The following NAGPA variants were observed in gnomAD, a reference collection of about 807,000 sequenced individuals.
NAGPA encodes alpha-N-acetylglucosaminyl phosphodiesterase.
In NAGPA, 56 loss-of-function variants were observed where a neutral mutation model predicts 48.5. That is an observed-to-expected ratio of 1.15 (90% CI 0.93 to 1.44). The LOEUF is 1.44. NAGPA is among the 40% of genes most tolerant of loss of function. The pLI is 0.00. For missense variants in NAGPA, 888 were observed against 735.0 expected (o/e 1.21, Z -2.41); for synonymous variants, 399 against 315.5 (o/e 1.26, Z -2.81).
Position 5,033,835 on chromosome 16 carries a change from T to C in NAGPA, c.80A>G (p.Asp27Gly). Residue 27 changes from aspartate (D) to glycine (G), a missense_variant, in exon 1 of 10, where the codon GAC becomes GGC. Transcript: ENST00000312251. This position sits in a 1 kb window ranked among gnomAD's most constrained non-coding sequence, Gnocchi z 4.2. ...CCCAGGGAGCTGCACTCACCCCGAG[T>C]CGAGGCCGCCGGACGCTTCCCAGAG... The part of the protein sequence containing the change: ...GFLWEASGGL[D>G]SGASRDDDLL... 1.3e-6 allele frequency: 2 copies of C among 1,551,162 alleles called. No homozygotes were observed.
Position 5,028,138 on chromosome 16 carries a change from C to A in NAGPA, c.968G>T (p.Cys323Phe). ...RCPRQVSTVVCVHEPRCQPPD... is the reference protein window; with the variant it reads ...RCPRQVSTVVFVHEPRCQPPD... Reference sequence around the variant, plus strand: ...CGGCTGGCAGCGGGGTTCGTGCACACACACCACGGTGGACACTTGGCGGGG... The same window carrying A: ...CGGCTGGCAGCGGGGTTCGTGCACAAACACCACGGTGGACACTTGGCGGGG... The change falls in exon 6 of 10, where the codon TGT (cysteine) becomes TTT (phenylalanine). Residue 323 changes from cysteine to phenylalanine, a missense_variant. Physicochemically the swap from Cys to Phe is radical, Grantham distance 205 (BLOSUM62 -2). Transcript: ENST00000312251. 2 of 1,595,410 alleles carry A rather than the reference C, an allele frequency of 1.3e-6. No homozygotes were observed. The highest frequency in any genetic ancestry group is 4.6e-5 in the East Asian group (2 of 43,722).
intron 9 of NAGPA, 122 bp downstream of exon 9, chr16:5,027,013 C>T (rs758309786): frequency 1.2e-4 from 156 of 1,250,320 alleles, no homozygotes; most frequent in Admixed American, 2.6e-4. Context: ...GAGCTGGTCC[C>T]GCTTCCTCTA....
chr16:5,030,302 G>A, intron 4 of NAGPA, 83 bp downstream of exon 4: 6 of 1,286,830 alleles, frequency 4.7e-6, no homozygotes, highest in African/African-American at 1.5e-5. Flanking sequence ...AGCAGGTAGA[G>A]TCAGAGGGTG....
chr16:5,025,401 C>T lies in NAGPA; in HGVS notation c.*77G>A. 2 of 1,563,558 alleles carry T rather than the reference C, an allele frequency of 1.3e-6. No homozygotes were observed. The highest frequency in any genetic ancestry group is 4.5e-5 in the East Asian group (2 of 44,498). The stretch of plus-strand genomic sequence containing the variant: ...CACCCAGATGGTCCACGCCAGTGGC[C>T]TTGAAATTTCCCCTGCAGAAGCCAG... On this transcript the variant is annotated 3_prime_UTR_variant, in exon 10 of 10. Transcript: ENST00000312251.
intron 5 of NAGPA, chr16:5,028,482 ACCTCGG>A (rs1299028475): frequency 6.2e-6 from 4 of 643,840 alleles, no homozygotes; most frequent in Admixed American, 4.3e-5. Flanking sequence ...CGAACCTCCC[ACCTCGG>A]CCTCCCAAAG....
intron 9 of NAGPA, among the ~76,000 whole-genome samples, chr16:5,026,302 T>TTGTGA (rs1186490409): frequency 6.7e-6 from 1 of 149,182 alleles, no homozygotes; most frequent in Non-Finnish European, 1.5e-5. Context: ...TCCCAGCACT[T>TTGTGA]TGTGAGGCTT....
At position 5,033,145 on chromosome 16, in the gene NAGPA, C is replaced by T; in HGVS notation, c.542+128G>A. 9.0e-7 allele frequency: 1 copy of T among 1,107,344 alleles called. No individual in the cohort carries two copies. Among genetic ancestry groups the T allele is most frequent in the Non-Finnish European group, 1.3e-6 (1 of 764,586 alleles). 68.6% of individuals were successfully genotyped at this position (1,107,344 alleles called of 1,614,324 possible). ...AATAAACTCTGCAAGGAAGCGATTC[C>T]TATCCCCATTCTGCAGAGGAGGAAA... On this transcript the variant is annotated intron_variant, in intron 2 of 9. Coordinates refer to ENST00000312251, the MANE Select transcript of NAGPA (RefSeq NM_016256.4). The surrounding 1 kb of genome is among the most constrained non-coding windows in gnomAD (Gnocchi z 4.2).
chr16:5,028,605 C>A (rs1372887373), intron 5 of NAGPA: 11 of 562,958 alleles, frequency 2.0e-5, no homozygotes, highest in Non-Finnish European at 2.9e-5. Flanking sequence ...ACATGTGGTG[C>A]CCTCTGCCCG....
intron 2 of NAGPA, 132 bp from the exon 3 acceptor site, chr16:5,032,016 G>A: frequency 1.7e-6 from 2 of 1,208,962 alleles, no homozygotes; most frequent in Admixed American, 3.8e-5. Flanking sequence ...TGGGGCCTGA[G>A]TGTAGCTGGG....
rs755324227 is a variant in NAGPA, at chr16:5,025,462, C to G, written c.*16G>C. 6.1e-5 allele frequency: 98 copies of G among 1,611,178 alleles called. No homozygotes were observed. The highest frequency in any genetic ancestry group is 7.8e-5 in the Non-Finnish European group (92 of 1,179,578). On this transcript the variant is annotated 3_prime_UTR_variant, in exon 10 of 10. Transcript: ENST00000312251. ...AACAAGCTTTCGCGACGTGCCACCCCGGGCAGCTTGAGGCTTCAGTCCTTG... is the reference window on the plus strand; with the variant it reads ...AACAAGCTTTCGCGACGTGCCACCCGGGGCAGCTTGAGGCTTCAGTCCTTG...
chr16:5,030,253 C>T (rs1956075834), intron 4 of NAGPA, 132 bp downstream of exon 4: 2 of 805,654 alleles, frequency 2.5e-6, no homozygotes, highest in Non-Finnish European at 4.1e-6. Context: ...GGTGAGGGGG[C>T]CCTGGGAGGG....
Position 5,025,346 on chromosome 16 carries a change from G to C in NAGPA, c.*132C>G. The C allele has an allele frequency of 2.7e-6, 3 of 1,097,254 alleles. No individual in the cohort carries two copies. The South Asian group carries it at 4.3e-5, about 16-fold the overall frequency. The allele number at this position is 1,097,254 out of a possible 1,614,324, so 68.0% of individuals were successfully genotyped here. On this transcript the variant is annotated 3_prime_UTR_variant, in exon 10 of 10. Coordinates refer to ENST00000312251, the MANE Select transcript of NAGPA (RefSeq NM_016256.4). The stretch of plus-strand genomic sequence containing the variant: ...AGGGGCTGAGGCACAAGTGCTATCA[G>C]GAACTTGGCTGCCCCACAGGGGCTG...
At chr16:5,029,307 A>T in intron 4 of NAGPA, 1 of 418,242 alleles carries the variant, frequency 2.4e-6, no homozygotes, top group Non-Finnish European at 4.4e-6. Context: ...CTGGCTGGTG[A>T]CAGAATAGGA....
intron 3 of NAGPA, 170 bp downstream of exon 3, chr16:5,031,575 C>T: frequency 5.9e-6 from 5 of 853,968 alleles, no homozygotes; most frequent in Admixed American, 5.8e-5. Context: ...ATTTTTTGTC[C>T]TATATATTCA....
At chr16:5,031,561 A>G in intron 3 of NAGPA, 184 bp downstream of exon 3, 1 of 781,304 alleles carries the variant, frequency 1.3e-6, no homozygotes, top group Admixed American at 2.0e-5. Context: ...CATATTCTAT[A>G]ACTATTTTTT....
chr16:5,025,676 C>T lies in NAGPA; in HGVS notation c.1350G>A (p.Trp450Ter). The change falls in exon 10 of 10, where the codon TGG (tryptophan) becomes TGA (stop). Residue 450 changes from tryptophan (W) to a stop codon, truncating the protein, a stop_gained. Transcript: ENST00000312251. LOFTEE classifies it low-confidence loss of function (END_TRUNC). ...AGGCCAGCGCCAGGGTGAGGGCTAG[C>T]CAGGCGGTCCTGCAGACAGGAGAGA... ...GELSFFTRTA[W>*]LALTLALAFL... is the part of the protein sequence containing the mutation. The T allele has an allele frequency of 6.2e-7, 1 of 1,606,972 alleles. No homozygotes were observed. The highest frequency in any genetic ancestry group is 8.5e-7 in the Non-Finnish European group (1 of 1,176,908).
chr16:5,031,293 A>T (rs1348397376), intron 3 of NAGPA: 1 of 253,988 alleles, frequency 3.9e-6, no homozygotes, highest in African/African-American at 2.3e-5. Flanking sequence ...TCTGCATCCC[A>T]GTGGTTCTCA....
chr16:5,026,343 C>T (rs565677561), intron 9 of NAGPA, among the ~76,000 whole-genome samples: 5 of 148,660 alleles, frequency 3.4e-5, no homozygotes, highest in Non-Finnish European at 7.4e-5. Context: ...GTCAGGAGTT[C>T]AAGACCAGCC....
At chr16:5,029,221 A>C in intron 4 of NAGPA, 2 of 745,992 alleles carry the variant, frequency 2.7e-6, no homozygotes, top group Non-Finnish European at 4.3e-6. Context: ...AGGAATCCTT[A>C]AGGGAGGGGA....
Sources: allele counts gnomAD v4.1 joint callset (sites outside exome capture counted in the v4.1 genomes callset), GRCh38; gene constraint gnomAD v4.1.1; non-coding constraint Gnocchi (gnomAD v3.1); transcripts MANE v1.5; gene names NCBI Gene and HGNC (gene_info 2026-07-23, HGNC 2026-07-21).